The following AGBL4 variants were observed in gnomAD, a reference collection of about 807,000 sequenced individuals.
AGBL4 encodes AGBL carboxypeptidase 4.
AGBL4 carries 58 observed loss-of-function variants against 66.4 expected under a neutral mutation model. The observed-to-expected ratio is 0.87, with a 90% confidence interval of 0.71 to 1.09. AGBL4 has a LOEUF of 1.09. Ranked by LOEUF, AGBL4 falls within the 50% of genes least tolerant of loss-of-function variation. AGBL4 has a pLI of 0.00. For synonymous variants in AGBL4, 234 were observed against 222.9 expected (o/e 1.05, Z -0.44); for missense variants, 579 against 631.0 (o/e 0.92, Z 0.88).
chr1:48,607,103 C>T (rs1377434323), intron 9 of AGBL4, among the ~76,000 whole-genome samples: 1 of 152,044 alleles, frequency 6.6e-6, no homozygotes, highest in East Asian at 1.9e-4. Context: ...AGGAGGTGTT[C>T]AGTAATCTTT....
At chr1:49,309,705 A>G (rs1484684654) in intron 3 of AGBL4, among the ~76,000 whole-genome samples, 2 of 152,002 alleles carry the variant, frequency 1.3e-5, no homozygotes, top group African/African-American at 4.8e-5. Flanking sequence ...ATAAAATTAC[A>G]TAGTCACTGA....
intron 4 of AGBL4, among the ~76,000 whole-genome samples, chr1:49,145,258 C>A (rs1326414047): frequency 1.3e-5 from 2 of 152,132 alleles, no homozygotes; most frequent in African/African-American, 4.8e-5. Flanking sequence ...TGCCACCTAA[C>A]CCTATCCCAT....
chr1:49,046,674 C>G (rs1324692735), intron 4 of AGBL4, among the ~76,000 whole-genome samples: 1 of 152,178 alleles, frequency 6.6e-6, no homozygotes, highest in African/African-American at 2.4e-5. Flanking sequence ...CATTTCAAAT[C>G]CTGCTAATCC....
chr1:48,898,483 G>A (rs1651755178), intron 5 of AGBL4, among the ~76,000 whole-genome samples: 1 of 152,070 alleles, frequency 6.6e-6, no homozygotes, highest in African/African-American at 2.4e-5. Flanking sequence ...TTTTGTGTAT[G>A]GTGAGAGAGA....
At chr1:49,771,628 C>G (rs11488179) in intron 2 of AGBL4, among the ~76,000 whole-genome samples, 78,628 of 151,888 alleles carry the variant, frequency 0.52, 21,671 homozygotes, top group Non-Finnish European at 0.62. Context: ...TGCAGACTAT[C>G]TTTTCCTTTA....
intron 3 of AGBL4, among the ~76,000 whole-genome samples, chr1:49,555,709 G>C (rs1024260952): frequency 1.3e-5 from 2 of 149,390 alleles, no homozygotes; most frequent in Non-Finnish European, 3.0e-5. Flanking sequence ...CCATCAAAAA[G>C]TGGGCCAAGG....
intron 2 of AGBL4, among the ~76,000 whole-genome samples, chr1:49,828,533 G>C (rs1234259427): frequency 6.6e-6 from 1 of 152,192 alleles, no homozygotes; most frequent in Non-Finnish European, 1.5e-5. Flanking sequence ...AGTCACTATG[G>C]CTACAGCATT....
At chr1:49,402,471 G>T (rs893474705) in intron 3 of AGBL4, among the ~76,000 whole-genome samples, 1 of 151,690 alleles carries the variant, frequency 6.6e-6, no homozygotes, top group Non-Finnish European at 1.5e-5. Flanking sequence ...ATTTCAATGT[G>T]TTTGTGTATT....
chr1:49,527,368 T>C (rs1389386968), intron 3 of AGBL4: 1 of 152,326 alleles, frequency 6.6e-6, no homozygotes, highest in Non-Finnish European at 1.5e-5. Context: ...CAGAAATTGG[T>C]ATTTAGAATA....
chr1:49,858,279 A>G (rs1158446657), intron 1 of AGBL4, among the ~76,000 whole-genome samples: 3 of 152,188 alleles, frequency 2.0e-5, no homozygotes, highest in Non-Finnish European at 4.4e-5. Context: ...AATAGTGGAA[A>G]TGTAAATTAG....
At chr1:48,967,417 C>A (rs1005037603) in intron 5 of AGBL4, among the ~76,000 whole-genome samples, 2 of 152,142 alleles carry the variant, frequency 1.3e-5, no homozygotes, top group East Asian at 1.9e-4. Context: ...ATATGTCAAG[C>A]ATTAAAAATG....
intron 4 of AGBL4, among the ~76,000 whole-genome samples, chr1:49,127,485 G>C (rs1645789782): frequency 6.6e-6 from 1 of 152,112 alleles, no homozygotes; most frequent in Non-Finnish European, 1.5e-5. Context: ...TGGAGATTCT[G>C]AGGTAATGAG....
intron 2 of AGBL4, among the ~76,000 whole-genome samples, chr1:49,774,705 G>T (rs1644152520): frequency 6.6e-6 from 1 of 152,100 alleles, no homozygotes; most frequent in African/African-American, 2.4e-5. Flanking sequence ...TATGTGAATT[G>T]CCTATTCATT....
At chr1:48,648,649 A>G (rs1645878021) in intron 8 of AGBL4, among the ~76,000 whole-genome samples, 1 of 152,126 alleles carries the variant, frequency 6.6e-6, no homozygotes, top group Admixed American at 6.5e-5. Context: ...ATGGCTCTTC[A>G]CCTTCTCAGC....
intron 8 of AGBL4, among the ~76,000 whole-genome samples, chr1:48,651,507 A>C (rs541245794): frequency 1.3e-5 from 2 of 152,302 alleles, no homozygotes; most frequent in South Asian, 4.1e-4. Context: ...CATAAATCAA[A>C]TGGTCTTTCT....
At chr1:49,566,436 C>T (rs943935835) in intron 3 of AGBL4, among the ~76,000 whole-genome samples, 2 of 152,102 alleles carry the variant, frequency 1.3e-5, no homozygotes, top group African/African-American at 4.8e-5. Context: ...GTTTTATCTA[C>T]CTTTGGTCTT....
chr1:49,963,085 AT>A (rs1464936942), intron 1 of AGBL4, among the ~76,000 whole-genome samples: 5 of 152,138 alleles, frequency 3.3e-5, no homozygotes, highest in Admixed American at 6.6e-5. Context: ...ATATACATAT[AT>A]TTCCCAAACA....
At chr1:49,865,964 C>A in intron 1 of AGBL4, 1 of 390,604 alleles carries the variant, frequency 2.6e-6, no homozygotes, top group Non-Finnish European at 5.2e-6. Context: ...ATTTTGCAAC[C>A]ACAAGTATCA....
At chr1:49,270,620 G>C (rs1019030013) in intron 3 of AGBL4, among the ~76,000 whole-genome samples, 6 of 152,072 alleles carry the variant, frequency 3.9e-5, no homozygotes, top group African/African-American at 1.4e-4. Context: ...ACTCCTGGGA[G>C]TAAAATTTTT....
Sources: gnomAD v4.1 joint callset for allele counts (sites outside exome capture counted in the v4.1 genomes callset) on GRCh38, gnomAD v4.1.1 for gene constraint, MANE v1.5 for transcripts, NCBI Gene and HGNC (gene_info 2026-07-23, HGNC 2026-07-21) for gene names.